Variants in MYO18B observed in about 807,000 individuals in gnomAD.
MYO18B encodes myosin XVIIIB.
A neutral mutation model predicts 273.0 loss-of-function variants in MYO18B; 204 were observed. The observed-to-expected ratio is 0.75, with a 90% CI of 0.67 to 0.84. MYO18B has a LOEUF of 0.84. Ranked by LOEUF, MYO18B falls within the 40% of genes least tolerant of loss-of-function variation. The pLI is 0.00. For missense variants in MYO18B, 3,212 were observed against 3,287.6 expected (o/e 0.98, Z 0.56); for synonymous variants, 1,330 against 1,305.7 (o/e 1.02, Z -0.40).
chr22:25,934,840 G>A (rs2092556137), intron 34 of MYO18B, among the ~76,000 whole-genome samples: 1 of 152,142 alleles, frequency 6.6e-6, no homozygotes, highest in Non-Finnish European at 1.5e-5. Context: ...GCAGTTCCCA[G>A]CTTGAATTTT....
chr22:26,009,307 G>C (rs1934693225), intron 42 of MYO18B, among the ~76,000 whole-genome samples: 1 of 152,066 alleles, frequency 6.6e-6, no homozygotes, highest in South Asian at 2.1e-4. Flanking sequence ...AAAACACTCT[G>C]ATTCATCTAG....
intron 12 of MYO18B, among the ~76,000 whole-genome samples, chr22:25,811,633 A>G (rs574884437): frequency 7.2e-5 from 11 of 152,182 alleles, no homozygotes; most frequent in African/African-American, 2.4e-4. Context: ...CTTTTTTCAC[A>G]TGTCATATCT....
In MYO18B at chr22:25,903,792, C is replaced by A; in HGVS notation, c.5109C>A (p.Ile1703=). The change falls in exon 31 of 44, where the codon ATC becomes ATA. Residue 1703 remains isoleucine (I), a synonymous_variant. Transcript: ENST00000335473. The stretch of plus-strand genomic sequence containing the variant: ...CCAGCGCCCTTGAGCAACAGAAAAT[C>A]CAGAGCCAGCAGGAAAACACCATCA... The part of the protein sequence containing the change: ...LESSALEQQK[I]QSQQENTIKQ... The A allele has an allele frequency of 1.2e-6, 2 of 1,603,086 alleles. No homozygotes were observed. The highest frequency in any genetic ancestry group is 1.7e-6 in the Non-Finnish European group (2 of 1,174,914).
chr22:25,847,562 G>T lies in MYO18B; in HGVS notation c.3685G>T (p.Ala1229Ser). The T allele has an allele frequency of 6.4e-7, 1 of 1,569,320 alleles. No individual in the cohort carries two copies. Among genetic ancestry groups the T allele is most frequent in the Middle Eastern group, 1.7e-4 (1 of 5,894 alleles). The change falls in exon 20 of 44, where the codon GCA becomes TCA. Residue 1229 changes from alanine to serine, a missense_variant. Transcript: ENST00000335473. The stretch of plus-strand genomic sequence containing the variant: ...GCAGCCTGGTAGAGACAAGCCTGGG[G>T]CAGGTGGACCTCTGGCCCTGGATAT... Reference protein sequence around the residue: ...PPQPGRDKPGAGGPLALDIPA... With the variant: ...PPQPGRDKPGSGGPLALDIPA...
At chr22:25,753,414 TA>T (rs1328992457) in intron 1 of MYO18B, among the ~76,000 whole-genome samples, 5 of 152,140 alleles carry the variant, frequency 3.3e-5, no homozygotes, top group African/African-American at 1.2e-4. Context: ...CAGCTCTTTG[TA>T]AAACGGACCA....
chr22:26,023,723 G>A (rs1002674018), intron 42 of MYO18B, among the ~76,000 whole-genome samples: 3 of 152,162 alleles, frequency 2.0e-5, no homozygotes, highest in African/African-American at 4.8e-5. Flanking sequence ...CATCACACCC[G>A]CCTCCTTTCA....
intron 10 of MYO18B, among the ~76,000 whole-genome samples, chr22:25,783,516 C>G (rs2087251109): frequency 1.3e-5 from 2 of 152,158 alleles, no homozygotes; most frequent in African/African-American, 4.8e-5. Flanking sequence ...ACACATCACC[C>G]TTGTTCCAGC....
chr22:25,785,213 G>T (rs890416251), intron 10 of MYO18B, among the ~76,000 whole-genome samples: 1 of 152,164 alleles, frequency 6.6e-6, no homozygotes, highest in Non-Finnish European at 1.5e-5. Context: ...GGGATTTCCT[G>T]GCCTTTAGGA....
intron 12 of MYO18B, among the ~76,000 whole-genome samples, chr22:25,815,532 T>C (rs905308791): frequency 6.6e-6 from 1 of 152,186 alleles, no homozygotes; most frequent in African/African-American, 2.4e-5. Context: ...ATAAGGCAAC[T>C]GAGGCTCAGA....
intron 15 of MYO18B, among the ~76,000 whole-genome samples, chr22:25,829,791 T>C (rs2089640595): frequency 6.6e-6 from 1 of 151,760 alleles, no homozygotes; most frequent in Admixed American, 6.6e-5. Flanking sequence ...TGAGCTGAGA[T>C]TGCGCCACTG....
intron 23 of MYO18B, 103 bp from the exon 24 acceptor site, chr22:25,876,086 C>A: frequency 1.8e-6 from 2 of 1,140,830 alleles, no homozygotes; most frequent in Non-Finnish European, 2.5e-6. Flanking sequence ...CGGGAAATAA[C>A]CCCACTTCCT....
chr22:25,956,607 C>T (rs2092855595), intron 39 of MYO18B, among the ~76,000 whole-genome samples: 2 of 151,658 alleles, frequency 1.3e-5, no homozygotes, highest in South Asian at 4.1e-4. Flanking sequence ...GCACAGGTCA[C>T]AGAGCATCTA....
Position 25,816,730 on chromosome 22 carries a change from G to C in MYO18B, c.2522-6775G>C, listed in dbSNP as rs112515841. On this transcript the variant is annotated intron_variant, in intron 12 of 43. Transcript: ENST00000335473. ...AGACTGAGGCTCAAAGTGTTGACAT[G>C]ACTTTGCCAACATCACGCGGCTGTA... 3.8e-3 allele frequency among the ~76,000 whole-genome samples: 577 copies of C among 152,306 alleles called. 4 individuals are homozygous for C. Among genetic ancestry groups the C allele is most frequent in the African/African-American group, 0.013 (527 of 41,570 alleles).
chr22:25,797,884 T>G, intron 11 of MYO18B, 69 bp from the exon 12 acceptor site: 1 of 1,609,088 alleles, frequency 6.2e-7, no homozygotes, highest in Non-Finnish European at 8.5e-7. Flanking sequence ...GAGCTCAGCT[T>G]CAAGTTGTGA....
In MYO18B at chr22:26,027,356, C is replaced by G; in HGVS notation, c.7382C>G (p.Ala2461Gly). 6.2e-7 allele frequency: 1 copy of G among 1,614,014 alleles called. No homozygotes were observed. The highest frequency in any genetic ancestry group is 8.5e-7 in the Non-Finnish European group (1 of 1,179,878). The change falls in exon 43 of 44, where the codon GCC (alanine) becomes GGC (glycine). Residue 2461 changes from alanine to glycine, a missense_variant. Transcript: ENST00000335473. This position sits in a 1 kb window ranked among gnomAD's most constrained non-coding sequence, Gnocchi z 4.1. Reference protein sequence around the residue: ...PQTPTSLAGSAKGGQDGSQRS... With the variant: ...PQTPTSLAGSGKGGQDGSQRS... ...ACACCTACCTCCTTGGCTGGATCAG[C>G]CAAAGGTGGGCAAGACGGTTCACAG...
At chr22:26,041,724 G>T in the MYO18B span, among the ~76,000 whole-genome samples, 1 of 151,986 alleles carries the variant, frequency 6.6e-6, no homozygotes, top group African/African-American at 2.4e-5. Context: ...CCAAGTGAGG[G>T]ATGAAGATGG....
chr22:25,986,119 T>C (rs2093199986), intron 39 of MYO18B, among the ~76,000 whole-genome samples: 1 of 152,226 alleles, frequency 6.6e-6, no homozygotes, highest in Admixed American at 6.5e-5. Context: ...GACAGAGCCA[T>C]GGACTGCCGT....
chr22:26,040,799 G>A, the MYO18B span, among the ~76,000 whole-genome samples: 2 of 152,128 alleles, frequency 1.3e-5, no homozygotes, highest in Non-Finnish European at 2.9e-5. Context: ...GGAGTAGGGT[G>A]ATCGAGTGGG....
chr22:25,964,864 A>G (rs1396885957), intron 39 of MYO18B: 1 of 152,286 alleles, frequency 6.6e-6, no homozygotes, highest in Non-Finnish European at 1.5e-5. Context: ...GAACGTCAGG[A>G]AAGGAGAAAG....
Sources: allele counts gnomAD v4.1 joint callset (sites outside exome capture counted in the v4.1 genomes callset), GRCh38; gene constraint gnomAD v4.1.1; non-coding constraint Gnocchi (gnomAD v3.1); transcripts MANE v1.5; gene names NCBI Gene and HGNC (gene_info 2026-07-23, HGNC 2026-07-21).